The following GLI3 variants were observed in gnomAD, a reference collection of about 807,000 sequenced individuals.
The protein encoded by GLI3 is transcription activator GLI3.
In GLI3, 20 loss-of-function variants were observed where a neutral mutation model predicts 100.8. The ratio of observed to expected loss-of-function variants is 0.20; its 90% CI spans 0.14 to 0.29. The LOEUF (loss-of-function observed/expected upper bound fraction) is 0.29, where lower values mean the gene tolerates loss of function less well. Among genes scored for constraint, GLI3 ranks in the 10% least tolerant of loss-of-function variants. The probability of loss-of-function intolerance (pLI) is 1.00; values close to 1 mark genes in which losing one functional copy is unlikely to be tolerated. For synonymous variants in GLI3, 938 were observed against 860.5 expected, an observed-to-expected ratio of 1.09 and a Z score of -1.58; for missense variants, 2,040 against 2,128.5, an observed-to-expected ratio of 0.96 and a Z score of 0.82.
intron 2 of GLI3, among the ~76,000 whole-genome samples, chr7:42,182,263 A>T (rs537830246): frequency 6.6e-6 from 1 of 152,284 alleles, no homozygotes; most frequent in South Asian, 2.1e-4. Context: ...ATTTTAATTT[A>T]CATAAATTTA....
intron 13 of GLI3, among the ~76,000 whole-genome samples, chr7:41,970,732 G>A (rs1206902414): frequency 1.3e-5 from 2 of 152,170 alleles, no homozygotes; most frequent in South Asian, 2.1e-4. Context: ...AAAAGTAGAA[G>A]AGATTTTGGG....
intron 4 of GLI3, among the ~76,000 whole-genome samples, chr7:42,070,378 G>T (rs1334297063): frequency 6.6e-6 from 1 of 152,154 alleles, no homozygotes; most frequent in Non-Finnish European, 1.5e-5. Flanking sequence ...CTTCCTATCA[G>T]GTACTGTTAG....
At chr7:42,091,920 A>G (rs1046833163) in intron 3 of GLI3, among the ~76,000 whole-genome samples, 7 of 152,268 alleles carry the variant, frequency 4.6e-5, no homozygotes, top group Admixed American at 1.3e-4. Context: ...AGAGTCAAAC[A>G]AACAGTTCAC....
At chr7:42,009,435 T>C (rs1788549501) in intron 10 of GLI3, among the ~76,000 whole-genome samples, 1 of 151,686 alleles carries the variant, frequency 6.6e-6, no homozygotes, top group African/African-American at 2.4e-5. Context: ...CCTTTGAAAG[T>C]ACAGAACGAT....
chr7:42,204,369 C>T (rs1243274330), intron 2 of GLI3, among the ~76,000 whole-genome samples: 1 of 152,120 alleles, frequency 6.6e-6, no homozygotes, highest in Admixed American at 6.5e-5. Context: ...CCAGTTCCCA[C>T]TCCTGTCTTC....
chr7:42,182,786 C>T (rs1248095368), intron 2 of GLI3, among the ~76,000 whole-genome samples: 6 of 149,342 alleles, frequency 4.0e-5, no homozygotes, highest in Non-Finnish European at 7.4e-5. Flanking sequence ...AAACAAATTG[C>T]TTTTGGCCAG....
rs779140503 is a variant in GLI3, at chr7:41,962,245, T to C, written c.*2085A>G. The stretch of plus-strand genomic sequence containing the variant: ...AGGAGTGGAGAACACTCAGGCCCCA[T>C]GCTTTGAAAACAAGAGTTGGAAAGG... On this transcript the variant is annotated 3_prime_UTR_variant, in exon 15 of 15. Coordinates refer to ENST00000395925, the MANE Select transcript of GLI3 (RefSeq NM_000168.6). 5.9e-5 allele frequency: 9 copies of C among 152,220 alleles called. No homozygotes were observed. The highest frequency in any genetic ancestry group is 1.3e-4 in the Non-Finnish European group (9 of 68,058). 9.4% of individuals were successfully genotyped at this position (152,220 alleles called of 1,614,324 possible).
chr7:42,049,954 C>T (rs1299832308), intron 4 of GLI3, among the ~76,000 whole-genome samples: 1 of 152,212 alleles, frequency 6.6e-6, no homozygotes, highest in Admixed American at 6.5e-5. Flanking sequence ...CACATTTTCT[C>T]CTTGCAAAGC....
At position 42,227,060 on chromosome 7, in the gene GLI3, T is replaced by C. The variant is rs539553745; in HGVS notation, c.-42-3765A>G. 5.3e-5 allele frequency among the ~76,000 whole-genome samples: 8 copies of C among 152,310 alleles called. No homozygotes were observed. The East Asian group carries it at 1.5e-3, about 29-fold the overall frequency. ...TAATGAAGTATAATTTATTTAGAAC[T>C]TAAGCATCAAGGGAAAACGTTAAGT... On this transcript the variant is annotated intron_variant, in intron 1 of 14. Transcript: ENST00000395925.
intron 12 of GLI3, among the ~76,000 whole-genome samples, 195 bp downstream of exon 12, chr7:41,977,363 T>C (rs1019857493): frequency 2.6e-5 from 4 of 152,192 alleles, no homozygotes; most frequent in East Asian, 3.8e-4. Flanking sequence ...CCTCATCTCT[T>C]ATTATTCTCC....
chr7:42,173,309 T>C (rs1309408092), intron 2 of GLI3, among the ~76,000 whole-genome samples: 1 of 152,162 alleles, frequency 6.6e-6, no homozygotes, highest in Non-Finnish European at 1.5e-5. Context: ...TGTCCCCTCA[T>C]GTCCCAAGCA....
At chr7:42,232,169 T>C (rs1198228266) in intron 1 of GLI3, among the ~76,000 whole-genome samples, 2 of 152,060 alleles carry the variant, frequency 1.3e-5, no homozygotes, top group Admixed American at 1.3e-4. Context: ...CTCTAGCTGT[T>C]TCAGGCCAGC....
intron 10 of GLI3, among the ~76,000 whole-genome samples, chr7:42,014,869 G>T (rs699488): frequency 0.98 from 149,215 of 152,342 alleles, 73,080 homozygotes; most frequent in East Asian, 0.99. Context: ...CAGGTAAGAT[G>T]AACAGCAGCC....
At chr7:42,236,567 C>T (rs911315944) in intron 1 of GLI3, among the ~76,000 whole-genome samples, 1 of 152,172 alleles carries the variant, frequency 6.6e-6, no homozygotes, top group Non-Finnish European at 1.5e-5. Flanking sequence ...GCGCCGTGCG[C>T]GCCCGAAGCC....
intron 10 of GLI3, among the ~76,000 whole-genome samples, chr7:42,012,708 A>G (rs1197413496): frequency 6.6e-6 from 1 of 152,208 alleles, no homozygotes; most frequent in Non-Finnish European, 1.5e-5. Context: ...GCATTATATC[A>G]ATTAAAGCTA....
intron 3 of GLI3, among the ~76,000 whole-genome samples, chr7:42,089,011 T>C (rs1785162233): frequency 6.6e-6 from 1 of 152,202 alleles, no homozygotes. Context: ...CCTCCCTCTC[T>C]ACAAAGTAAC....
chr7:42,048,511 C>T lies in GLI3; in HGVS notation c.659G>A (p.Arg220His), dbSNP rs747805984. Residue 220 changes from arginine (R) to histidine (H), a missense_variant, in exon 5 of 15, where the codon CGT becomes CAT. Coordinates refer to ENST00000395925, the MANE Select transcript of GLI3 (RefSeq NM_000168.6). The part of the protein sequence containing the change: ...SPSLSMISAT[R>H]GLSPTDAPHA... The stretch of plus-strand genomic sequence containing the variant: ...CTTACCATCTGTAGGGCTCAGCCCA[C>T]GGGTTGCTGAGATCATGGAGAGCGA... 1.2e-5 allele frequency: 20 copies of T among 1,612,450 alleles called. No individual in the cohort carries two copies. The highest frequency in any genetic ancestry group is 9.9e-5 in the South Asian group (9 of 90,996).
At chr7:42,238,304 A>G (rs544141232), upstream of GLI3, among the ~76,000 whole-genome samples, 135 of 151,816 alleles carry the variant, frequency 8.9e-4, no homozygotes, top group Non-Finnish European at 1.3e-3. Context: ...ACTCTTGCTC[A>G]AGGGCTGGAC....
rs1268029101 is a variant in GLI3 at position 42,258,299 on chromosome 7, C to T, written c.-43+5695G>A. On this transcript the variant is annotated intron_variant, in intron 1 of 2. Transcript: ENST00000678978. The stretch of plus-strand genomic sequence containing the variant: ...CTGTATGACCAACATTTTTAGCACA[C>T]TTTGCTCTTATTTAGCTCTGGTCAA... 4.6e-5 allele frequency among the ~76,000 whole-genome samples: 7 copies of T among 152,194 alleles called. No individual in the cohort carries two copies. In the South Asian group the frequency reaches 1.0e-3, roughly 22 times the overall value.
Sources: gnomAD v4.1 joint callset for allele counts (sites outside exome capture counted in the v4.1 genomes callset) on GRCh38, gnomAD v4.1.1 for gene constraint, MANE v1.5 for transcripts, NCBI Gene and HGNC (gene_info 2026-07-23, HGNC 2026-07-21) for gene names.